SEMA3E: variants seen among roughly 807,000 people sequenced by gnomAD.
SEMA3E encodes the protein semaphorin-3E.
SEMA3E carries 49 observed loss-of-function variants against 93.6 expected under a neutral mutation model. That is an observed-to-expected ratio of 0.52 (90% CI 0.42 to 0.66). The LOEUF (loss-of-function observed/expected upper bound fraction) is 0.66, where lower values mean the gene tolerates loss of function less well. SEMA3E is among the 30% of genes least tolerant of loss of function. The pLI is 0.00. For synonymous variants in SEMA3E, 363 were observed against 330.7 expected, an observed-to-expected ratio of 1.10 and a Z score of -1.06; for missense variants, 906 against 964.8, an observed-to-expected ratio of 0.94 and a Z score of 0.81.
chr7:83,640,529 G>C (rs1167718630), intron 1 of SEMA3E, among the ~76,000 whole-genome samples: 1 of 152,238 alleles, frequency 6.6e-6, no homozygotes, highest in Middle Eastern at 3.4e-3. Flanking sequence ...CATTGTCCAG[G>C]TGGCTAGTAA....
chr7:83,388,299 C>A (rs187966025), intron 14 of SEMA3E, among the ~76,000 whole-genome samples: 1 of 128,530 alleles, frequency 7.8e-6, no homozygotes, highest in South Asian at 2.9e-4. Flanking sequence ...TGAAATGATA[C>A]CCCATCTCAA....
chr7:83,584,892 A>T (rs528421847), intron 1 of SEMA3E, among the ~76,000 whole-genome samples: 1 of 152,122 alleles, frequency 6.6e-6, no homozygotes, highest in South Asian at 2.1e-4. Context: ...ATCTTCCCCC[A>T]AAAAACTCAG....
chr7:83,566,812 T>C (rs2115853853), intron 1 of SEMA3E, among the ~76,000 whole-genome samples: 1 of 152,136 alleles, frequency 6.6e-6, no homozygotes, highest in Non-Finnish European at 1.5e-5. Context: ...ACTCAAATAT[T>C]ACCACTACAT....
intron 16 of SEMA3E, among the ~76,000 whole-genome samples, chr7:83,377,672 A>C (rs2116905564): frequency 6.6e-6 from 1 of 152,144 alleles, no homozygotes; most frequent in South Asian, 2.1e-4. Flanking sequence ...ATGTGTATGA[A>C]ATTGAAGTGA....
chr7:83,428,943 TCTAA>T (rs1291490948), intron 4 of SEMA3E, among the ~76,000 whole-genome samples: 3 of 152,164 alleles, frequency 2.0e-5, no homozygotes, highest in Non-Finnish European at 4.4e-5. Flanking sequence ...CTCAGTGTCT[TCTAA>T]CTAACAATTC....
At chr7:83,574,777 T>C (rs2115882681) in intron 1 of SEMA3E, among the ~76,000 whole-genome samples, 1 of 152,252 alleles carries the variant, frequency 6.6e-6, no homozygotes, top group East Asian at 1.9e-4. Flanking sequence ...CCCAATTATC[T>C]GCCAACAGCT....
intron 1 of SEMA3E, among the ~76,000 whole-genome samples, chr7:83,577,564 T>C (rs934201206): frequency 2.0e-5 from 3 of 152,192 alleles, no homozygotes; most frequent in Admixed American, 2.0e-4. Context: ...ATTTTGTCTG[T>C]ATATTTTGTA....
intron 14 of SEMA3E, among the ~76,000 whole-genome samples, chr7:83,392,075 T>C (rs1016384592): frequency 2.0e-5 from 3 of 152,122 alleles, no homozygotes; most frequent in Admixed American, 6.6e-5. Flanking sequence ...CTCACAGAAT[T>C]GTAGGCATTG....
chr7:83,617,694 G>A (rs1291276931), intron 1 of SEMA3E, among the ~76,000 whole-genome samples: 3 of 148,462 alleles, frequency 2.0e-5, no homozygotes, highest in Non-Finnish European at 4.5e-5. Flanking sequence ...TTTTATGAAG[G>A]AGGAAATTGT....
At chr7:83,452,593 T>A (rs1789388627) in intron 4 of SEMA3E, among the ~76,000 whole-genome samples, 1 of 152,192 alleles carries the variant, frequency 6.6e-6, no homozygotes, top group Admixed American at 6.5e-5. Context: ...GAGTGATCCA[T>A]AAGTGACATT....
At chr7:83,468,679 G>T (rs569683725) in intron 3 of SEMA3E, among the ~76,000 whole-genome samples, 5 of 152,180 alleles carry the variant, frequency 3.3e-5, no homozygotes, top group African/African-American at 1.2e-4. Flanking sequence ...TTCTATCACT[G>T]ATGTCTTAGT....
At chr7:83,611,832 G>A (rs1275524379) in intron 1 of SEMA3E, among the ~76,000 whole-genome samples, 1 of 151,982 alleles carries the variant, frequency 6.6e-6, no homozygotes, top group African/African-American at 2.4e-5. Context: ...GGCCTTTTCA[G>A]TCTGAGAGTC....
chr7:83,514,729 A>G (rs1378714631), intron 1 of SEMA3E, among the ~76,000 whole-genome samples: 1 of 152,154 alleles, frequency 6.6e-6, no homozygotes, highest in Non-Finnish European at 1.5e-5. Flanking sequence ...AAAGGGGAAA[A>G]AAAGCAAATG....
chr7:83,639,997 T>A (rs544097342), intron 1 of SEMA3E, among the ~76,000 whole-genome samples: 1 of 152,112 alleles, frequency 6.6e-6, no homozygotes, highest in Non-Finnish European at 1.5e-5. Flanking sequence ...TAAACAGCTA[T>A]ACACAATGCT....
intron 1 of SEMA3E, among the ~76,000 whole-genome samples, chr7:83,601,257 G>A (rs1026506090): frequency 2.0e-5 from 3 of 152,134 alleles, no homozygotes; most frequent in Non-Finnish European, 4.4e-5. Context: ...CTATGTTTAT[G>A]GCAACTTGTT....
chr7:83,469,794 T>C (rs1418869710), intron 2 of SEMA3E, among the ~76,000 whole-genome samples: 2 of 152,112 alleles, frequency 1.3e-5, no homozygotes, highest in Non-Finnish European at 2.9e-5. Flanking sequence ...TATTTATTTA[T>C]TTATTATCTT....
chr7:83,469,436 G>C, intron 2 of SEMA3E, 134 bp from the exon 3 acceptor site: 2 of 612,958 alleles, frequency 3.3e-6, no homozygotes, highest in Non-Finnish European at 5.7e-6. Context: ...AGATACAGTG[G>C]GTCTTTGTGT....
rs183869130 is a variant in SEMA3E, at chr7:83,374,154, C to T, written c.1876-6116G>A. 4.3e-5 allele frequency among the ~76,000 whole-genome samples: 6 copies of T among 138,950 alleles called. No homozygotes were observed. The East Asian group carries it at 8.6e-4, about 20-fold the overall frequency. 91.2% of individuals were successfully genotyped at this position (138,950 alleles called of 152,430 possible). A position where few individuals can be genotyped will look rare whatever the true frequency, so the allele number is the denominator to read the frequency against. On this transcript the variant is annotated intron_variant, in intron 16 of 16. Coordinates refer to ENST00000643230, the MANE Select transcript of SEMA3E (RefSeq NM_012431.3). Reference sequence around the variant, plus strand: ...CCAGGAGGCAGAGGTTGCGATAAGCCGAGATCACGCCATTGCACTCCAGCC... The same window carrying T: ...CCAGGAGGCAGAGGTTGCGATAAGCTGAGATCACGCCATTGCACTCCAGCC...
At chr7:83,571,123 A>G (rs1275508959) in intron 1 of SEMA3E, among the ~76,000 whole-genome samples, 1 of 151,954 alleles carries the variant, frequency 6.6e-6, no homozygotes, top group Non-Finnish European at 1.5e-5. Flanking sequence ...GGTCAGATGG[A>G]TTTGCAGCCA....
Sources: allele counts gnomAD v4.1 joint callset (sites outside exome capture counted in the v4.1 genomes callset), GRCh38; gene constraint gnomAD v4.1.1; transcripts MANE v1.5; gene names NCBI Gene and HGNC (gene_info 2026-07-23, HGNC 2026-07-21).